Variants in LOXL2 observed in about 807,000 individuals in gnomAD.
LOXL2 encodes the protein lysyl oxidase like 2, also known as lysyl oxidase homolog 2.
In LOXL2, 70 loss-of-function variants were observed where a neutral mutation model predicts 93.0. That is an observed-to-expected ratio of 0.75 (90% CI 0.62 to 0.92). The LOEUF (loss-of-function observed/expected upper bound fraction) is 0.92, where lower values mean the gene tolerates loss of function less well. Ranked by LOEUF, LOXL2 falls within the 40% of genes least tolerant of loss-of-function variation. LOXL2 has a pLI of 0.00. For synonymous variants in LOXL2, 438 were observed against 413.2 expected, an observed-to-expected ratio of 1.06 and a Z score of -0.73; for missense variants, 973 against 1,054.9, an observed-to-expected ratio of 0.92 and a Z score of 1.08.
intron 1 of LOXL2, among the ~76,000 whole-genome samples, chr8:23,394,896 G>A (rs190053581): frequency 5.0e-4 from 76 of 152,122 alleles, no homozygotes; most frequent in African/African-American, 1.6e-3. Context: ...AACAAAATAC[G>A]GTATGCCCAT....
intron 3 of LOXL2, among the ~76,000 whole-genome samples, chr8:23,346,158 A>AAAAAAT (rs879632756): frequency 0.14 from 19,168 of 137,952 alleles, 1,856 homozygotes; most frequent in South Asian, 0.21. Context: ...AAATAAAATA[A>AAAAAAT]AAAATAAAAT....
intron 1 of LOXL2, among the ~76,000 whole-genome samples, chr8:23,381,029 A>C (rs1278003760): frequency 1.3e-5 from 2 of 151,944 alleles, no homozygotes; most frequent in Non-Finnish European, 2.9e-5. Context: ...AAAGGAAGAA[A>C]ATAACTTGTA....
chr8:23,332,413 G>T (rs1471208191), intron 5 of LOXL2, among the ~76,000 whole-genome samples: 2 of 57,802 alleles, frequency 3.5e-5, no homozygotes, highest in Non-Finnish European at 6.5e-5. Flanking sequence ...TACACACACC[G>T]CCACACACCC....
intron 2 of LOXL2, among the ~76,000 whole-genome samples, chr8:23,367,500 C>A (rs1371897973): frequency 1.3e-5 from 2 of 152,202 alleles, no homozygotes; most frequent in African/African-American, 2.4e-5. Flanking sequence ...ACGATGAACT[C>A]CACATGCCAG....
In LOXL2 at chr8:23,375,489, A is replaced by C. The variant is rs528192287; in HGVS notation, c.-83-7055T>G. ...TTTTTCCAATTCTGTGAAGAAAGTCATTGGTAGCTTGATGGGGATGGCATT... is the reference window on the plus strand; with the variant it reads ...TTTTTCCAATTCTGTGAAGAAAGTCCTTGGTAGCTTGATGGGGATGGCATT... On this transcript the variant is annotated intron_variant, in intron 1 of 13. Coordinates refer to ENST00000389131, the MANE Select transcript of LOXL2 (RefSeq NM_002318.3). 2.6e-5 allele frequency among the ~76,000 whole-genome samples: 4 copies of C among 152,208 alleles called. No individual in the cohort carries two copies. The South Asian group carries it at 6.2e-4, about 24-fold the overall frequency.
intron 13 of LOXL2, among the ~76,000 whole-genome samples, 184 bp from the exon 14 acceptor site, chr8:23,298,306 T>C (rs1803072577): frequency 6.6e-6 from 1 of 152,200 alleles, no homozygotes; most frequent in Admixed American, 6.5e-5. Flanking sequence ...TCTGTCAAAG[T>C]TGAGTGAACG....
At chr8:23,349,315 G>A (rs1355554411) in intron 3 of LOXL2, among the ~76,000 whole-genome samples, 1 of 152,150 alleles carries the variant, frequency 6.6e-6, no homozygotes, top group African/African-American at 2.4e-5. Flanking sequence ...GATCTTCCTG[G>A]TGGTGCCTCC....
intron 1 of LOXL2, among the ~76,000 whole-genome samples, chr8:23,377,962 G>A (rs1021306457): frequency 1.3e-5 from 2 of 152,188 alleles, no homozygotes; most frequent in Non-Finnish European, 2.9e-5. Flanking sequence ...ATTGTTACGT[G>A]TAAATTTGAT....
At chr8:23,313,884 G>C (rs1371500303) in intron 9 of LOXL2, among the ~76,000 whole-genome samples, 53 of 148,856 alleles carry the variant, frequency 3.6e-4, no homozygotes, top group Non-Finnish European at 5.1e-4. Context: ...AGAAAATTTT[G>C]GCAACCTACT....
chr8:23,328,662 C>T, intron 5 of LOXL2, 97 bp from the exon 6 acceptor site: 4 of 1,160,066 alleles, frequency 3.4e-6, no homozygotes, highest in Non-Finnish European at 3.8e-6. Flanking sequence ...ACCCTGTTCC[C>T]AGGCCAGGCA....
intron 9 of LOXL2, among the ~76,000 whole-genome samples, chr8:23,313,929 T>C (rs1448351686): frequency 8.7e-6 from 1 of 115,508 alleles, no homozygotes; most frequent in African/African-American, 2.9e-5. Context: ...GAATCTACAA[T>C]GAACTCAAAC....
rs78980150 is a variant in LOXL2 at position 23,310,580 on chromosome 8, C to T, written c.1637-669G>A. ...TTGGCTGTTTGGAATTTTTCACTTACAAGCTGTGATAAATACCCTGTAGTA... is the reference window on the plus strand; with the variant it reads ...TTGGCTGTTTGGAATTTTTCACTTATAAGCTGTGATAAATACCCTGTAGTA... On this transcript the variant is annotated intron_variant, in intron 9 of 13. Transcript: ENST00000389131. Among the ~76,000 whole-genome samples the T allele has an allele frequency of 9.1e-3, 1,393 of 152,348 alleles. 83 individuals are homozygous for T. In the East Asian group the frequency reaches 0.16, roughly 17 times the overall value.
chr8:23,302,168 G>C lies in LOXL2; in HGVS notation c.1997-5C>G, dbSNP rs188334861. The C allele has an allele frequency of 6.2e-7, 1 of 1,614,062 alleles. No homozygotes were observed. Among genetic ancestry groups the C allele is most frequent in the Non-Finnish European group, 8.5e-7 (1 of 1,179,984 alleles). Reference sequence around the variant, plus strand: ...ACTCGTAATTCTTCTGGATGTCTGCGGGCAGGGTAGAGGAGAGCTCATCAC... The same window carrying C: ...ACTCGTAATTCTTCTGGATGTCTGCCGGCAGGGTAGAGGAGAGCTCATCAC... On this transcript the variant is annotated splice_region_variant and splice_polypyrimidine_tract_variant and intron_variant, in intron 11 of 13. Transcript: ENST00000389131.
intron 4 of LOXL2, among the ~76,000 whole-genome samples, chr8:23,337,613 A>G (rs1031783453): frequency 1.6e-4 from 24 of 152,194 alleles, no homozygotes; most frequent in Admixed American, 7.2e-4. Context: ...AGGCCTTTCT[A>G]ACTTCCTCAG....
Position 23,396,068 on chromosome 8 carries a change from A to G in LOXL2, c.-84+7886T>C, listed in dbSNP as rs1283307739. ...TCTGGGCACGGTGGCTTACACCTGT[A>G]ATTCCAGCACTTTGGGAGGCTGCGG... is the stretch of plus-strand genomic sequence containing the variant. On this transcript the variant is annotated intron_variant, in intron 1 of 13. Transcript: ENST00000389131. 2.6e-5 allele frequency among the ~76,000 whole-genome samples: 4 copies of G among 152,152 alleles called. No homozygotes were observed. The South Asian group carries it at 8.3e-4, about 31-fold the overall frequency.
Position 23,317,102 on chromosome 8 carries a change from A to C in LOXL2, c.1483T>G (p.Trp495Gly). 1 of 1,614,174 alleles carries C rather than the reference A, an allele frequency of 6.2e-7. No individual in the cohort carries two copies. Among genetic ancestry groups the C allele is most frequent in the Non-Finnish European group, 8.5e-7 (1 of 1,180,020 alleles). Residue 495 changes from tryptophan to glycine, a missense_variant, in exon 9 of 14, where the codon TGG becomes GGG. Transcript: ENST00000389131. ...ASNAFQETWYWHGDVNSNKVV... is the reference protein window; with the variant it reads ...ASNAFQETWYGHGDVNSNKVV... ...TTGTTGCTGTTGACATCTCCGTGCC[A>C]ATACCAGGTCTCCTGGAAGAACCAA...
At chr8:23,394,337 G>C (rs1800060474) in intron 1 of LOXL2, among the ~76,000 whole-genome samples, 1 of 147,516 alleles carries the variant, frequency 6.8e-6, no homozygotes, top group African/African-American at 2.5e-5. Context: ...AGGTTGCAAT[G>C]AGCCGAGATC....
At chr8:23,316,333 A>C (rs1803401207) in intron 9 of LOXL2, among the ~76,000 whole-genome samples, 1 of 152,112 alleles carries the variant, frequency 6.6e-6, no homozygotes, top group East Asian at 1.9e-4. Context: ...CTCCCAATGG[A>C]GATGGCTGCG....
rs779016804 is a variant in LOXL2, at chr8:23,328,453, G to C, written c.1079C>G (p.Ala360Gly). Residue 360 changes from alanine to glycine, a missense_variant, in exon 6 of 14, where the codon GCC (alanine) becomes GGC (glycine). Coordinates refer to ENST00000389131, the MANE Select transcript of LOXL2 (RefSeq NM_002318.3). ...GCCCAGCTCTCTGCAGACCACACTG[G>C]CCGACACCAGGTCCCACTTGTCGTC... ...VCDDKWDLVS[A>G]SVVCRELGFG... 2 of 1,614,054 alleles carry C rather than the reference G, an allele frequency of 1.2e-6. No homozygotes were observed. Among genetic ancestry groups the C allele is most frequent in the East Asian group, 2.2e-5 (1 of 44,864 alleles).
Sources: allele counts gnomAD v4.1 joint callset (sites outside exome capture counted in the v4.1 genomes callset), GRCh38; gene constraint gnomAD v4.1.1; transcripts MANE v1.5; gene names NCBI Gene and HGNC (gene_info 2026-07-23, HGNC 2026-07-21).